The following PCDHGA4 variants were observed in gnomAD, a reference collection of about 807,000 sequenced individuals.
The protein encoded by PCDHGA4 is protocadherin gamma subfamily A, 4.
A neutral mutation model predicts 54.6 loss-of-function variants in PCDHGA4; 38 were observed. The ratio of observed to expected loss-of-function variants is 0.70; its 90% CI spans 0.54 to 0.91. PCDHGA4 has a LOEUF of 0.91. Among genes scored for constraint, PCDHGA4 ranks in the 40% least tolerant of loss-of-function variants. PCDHGA4 has a pLI of 0.00. For synonymous variants in PCDHGA4, 511 were observed against 512.9 expected, an observed-to-expected ratio of 1.00 and a Z score of 0.05; for missense variants, 1,298 against 1,220.9, an observed-to-expected ratio of 1.06 and a Z score of -0.94.
At chr5:141,413,488 C>G in intron 1 of PCDHGA4, 1 of 1,613,986 alleles carries the variant, frequency 6.2e-7, no homozygotes, top group Non-Finnish European at 8.5e-7. Context: ...TCAGAGCGCG[C>G]GGTGCGTGGT....
At chr5:141,403,901 A>G in intron 1 of PCDHGA4, 3 of 1,613,926 alleles carry the variant, frequency 1.9e-6, no homozygotes, top group Non-Finnish European at 2.5e-6. Context: ...ATTTTATGAA[A>G]TGGAAATACA....
At chr5:141,360,543 T>C (rs369225043) in intron 1 of PCDHGA4, 1 of 1,613,834 alleles carries the variant, frequency 6.2e-7, no homozygotes, top group Non-Finnish European at 8.5e-7. Flanking sequence ...TCAAACAGAC[T>C]AAGATTAATT....
At chr5:141,419,182 C>T in intron 1 of PCDHGA4, 2 of 1,613,986 alleles carry the variant, frequency 1.2e-6, no homozygotes, top group Non-Finnish European at 1.7e-6. Context: ...TAACCCTGCA[C>T]ATTACTGACG....
Position 141,489,471 on chromosome 5 carries a change from G to A in PCDHGA4, c.2515-5336G>A. ...AGGAGAATGGGCGCTATTTTTCCCT[G>A]AGCTTGATGAGTGGTGCCCTGGCAG... On this transcript the variant is annotated intron_variant, in intron 1 of 3. Transcript: ENST00000571252. This position sits in a 1 kb window ranked among gnomAD's most constrained non-coding sequence, Gnocchi z 4.5. 1 of 1,614,074 alleles carries A rather than the reference G, an allele frequency of 6.2e-7. No homozygotes were observed. The highest frequency in any genetic ancestry group is 8.5e-7 in the Non-Finnish European group (1 of 1,180,026).
chr5:141,403,544 C>A (rs1300060255), intron 1 of PCDHGA4: 2 of 1,613,970 alleles, frequency 1.2e-6, no homozygotes, highest in South Asian at 1.1e-5. Flanking sequence ...GGTGCTGGAG[C>A]GCGCCCTGGA....
chr5:141,394,864 C>G lies in PCDHGA4; in HGVS notation c.2514+37243C>G. Reference sequence around the variant, plus strand: ...GGCAGTCTGAAGCCTTCGGTCGACCCGAACGATTCGAGCCTTACACTCTAT... The same window carrying G: ...GGCAGTCTGAAGCCTTCGGTCGACCGGAACGATTCGAGCCTTACACTCTAT... On this transcript the variant is annotated intron_variant, in intron 1 of 3. Coordinates refer to ENST00000571252, the MANE Select transcript of PCDHGA4 (RefSeq NM_018917.4). The G allele has an allele frequency of 1.2e-6, 2 of 1,613,780 alleles. No individual in the cohort carries two copies. The highest frequency in any genetic ancestry group is 1.7e-6 in the Non-Finnish European group (2 of 1,179,900).
chr5:141,476,455 G>C lies in PCDHGA4; in HGVS notation c.2515-18352G>C, dbSNP rs572682842. On this transcript the variant is annotated intron_variant, in intron 1 of 3. Transcript: ENST00000571252. The surrounding 1 kb of genome is among the most constrained non-coding windows in gnomAD (Gnocchi z 7.6). ...CTGTAACTCTGGAGTTGGTAGTGGA[G>C]AACCCGCTGGAGCTGTTCAGCGTGG... 22 of 1,614,152 alleles carry C rather than the reference G, an allele frequency of 1.4e-5. No homozygotes were observed. In the South Asian group the frequency reaches 2.4e-4, roughly 18 times the overall value.
At chr5:141,364,258 C>T (rs1763242096) in intron 1 of PCDHGA4, 2 of 1,497,150 alleles carry the variant, frequency 1.3e-6, no homozygotes, top group Non-Finnish European at 1.8e-6. Flanking sequence ...GAATATGTAC[C>T]CATCGGCTTT....
chr5:141,453,752 T>C (rs1404363977), intron 1 of PCDHGA4, among the ~76,000 whole-genome samples: 10 of 152,364 alleles, frequency 6.6e-5, no homozygotes, highest in Admixed American at 5.9e-4. Flanking sequence ...AACATAAGTC[T>C]CCTAAAAATA....
chr5:141,386,848 A>G (rs1458200403), intron 1 of PCDHGA4, among the ~76,000 whole-genome samples: 1 of 152,186 alleles, frequency 6.6e-6, no homozygotes, highest in East Asian at 1.9e-4. Flanking sequence ...TAATCACTAA[A>G]CTCAGTGAGC....
chr5:141,398,813 G>A (rs779872602), intron 1 of PCDHGA4: 11 of 1,613,838 alleles, frequency 6.8e-6, no homozygotes, highest in Admixed American at 3.3e-5. Flanking sequence ...ACTGAGCTCC[G>A]GATCCAGGTA....
At chr5:141,419,807 G>A in intron 1 of PCDHGA4, 2 of 1,614,074 alleles carry the variant, frequency 1.2e-6, no homozygotes, top group South Asian at 1.1e-5. Flanking sequence ...AAGAGATGGA[G>A]GACAGCCACC....
rs1254438724 is a variant in PCDHGA4 at position 141,389,817 on chromosome 5, C to T, written c.2514+32196C>T. 17 of 1,613,870 alleles carry T rather than the reference C, an allele frequency of 1.1e-5. No homozygotes were observed. Among genetic ancestry groups the T allele is most frequent in the Non-Finnish European group, 1.4e-5 (16 of 1,179,892 alleles). On this transcript the variant is annotated intron_variant, in intron 1 of 3. Transcript: ENST00000571252. ...CCGCCAGCGCCTTCTGGTCGCCGTG[C>T]GTGACGGTGGACAGCCACCACTCTC...
intron 1 of PCDHGA4, among the ~76,000 whole-genome samples, chr5:141,461,536 T>C (rs1424913303): frequency 1.3e-5 from 2 of 152,240 alleles, no homozygotes; most frequent in Non-Finnish European, 2.9e-5. Context: ...TTCTGGATAC[T>C]AGTCCTTTGT....
chr5:141,415,461 T>C, intron 1 of PCDHGA4: 5 of 1,614,180 alleles, frequency 3.1e-6, no homozygotes, highest in Non-Finnish European at 4.2e-6. Context: ...ACGAGGTCTC[T>C]CTCACCGCGG....
chr5:141,361,793 G>A, intron 1 of PCDHGA4: 1 of 1,613,244 alleles, frequency 6.2e-7, no homozygotes, highest in Non-Finnish European at 8.5e-7. Context: ...GTGTTAGTGG[G>A]CGACCTCAAT....
chr5:141,473,784 G>A (rs1457988232), intron 1 of PCDHGA4, among the ~76,000 whole-genome samples: 1 of 152,226 alleles, frequency 6.6e-6, no homozygotes, highest in Non-Finnish European at 1.5e-5. Flanking sequence ...TTTAATTCAA[G>A]AGCAGTATGA....
intron 1 of PCDHGA4, chr5:141,375,207 ACT>A: frequency 3.7e-6 from 6 of 1,613,896 alleles, no homozygotes; most frequent in Non-Finnish European, 5.1e-6. Flanking sequence ...TTCGATCGAG[ACT>A]CTGGCCTGAA....
chr5:141,478,106 G>A (rs1474192496), intron 1 of PCDHGA4: 1 of 1,613,928 alleles, frequency 6.2e-7, no homozygotes, highest in Non-Finnish European at 8.5e-7. Context: ...TACCCTCACT[G>A]TGTCAGTAAC....
Sources: gnomAD v4.1 joint callset for allele counts (sites outside exome capture counted in the v4.1 genomes callset) on GRCh38, gnomAD v4.1.1 for gene constraint, Gnocchi (gnomAD v3.1) non-coding constraint, MANE v1.5 for transcripts, NCBI Gene and HGNC (gene_info 2026-07-23, HGNC 2026-07-21) for gene names.